The following TRMT9B variants were observed in gnomAD, a reference collection of about 807,000 sequenced individuals.
TRMT9B encodes probable tRNA methyltransferase 9B.
TRMT9B carries 16 observed loss-of-function variants against 11.5 expected under a neutral mutation model. That is an observed-to-expected ratio of 1.39 (90% confidence interval 0.94 to 2.11). The LOEUF is 2.11. TRMT9B is among the 30% of genes most tolerant of loss of function. TRMT9B has a pLI of 0.00. For synonymous variants in TRMT9B, 274 were observed against 192.4 expected, an observed-to-expected ratio of 1.42 and a Z score of -3.51; for missense variants, 941 against 553.8, an observed-to-expected ratio of 1.70 and a Z score of -7.02.
At chr8:12,968,230 C>A (rs1803091774) in intron 1 of TRMT9B, among the ~76,000 whole-genome samples, 1 of 152,214 alleles carries the variant, frequency 6.6e-6, no homozygotes, top group Non-Finnish European at 1.5e-5. Context: ...GGAAGACATA[C>A]ATCCCAAGGG....
At chr8:12,999,281 A>G (rs1433245024) in intron 2 of TRMT9B, among the ~76,000 whole-genome samples, 2 of 146,938 alleles carry the variant, frequency 1.4e-5, no homozygotes, top group East Asian at 2.0e-4. Flanking sequence ...CCTGGGTGAC[A>G]GAGGGAGACT....
At chr8:13,018,694 A>G (rs1246654797) in intron 4 of TRMT9B, among the ~76,000 whole-genome samples, 2 of 152,154 alleles carry the variant, frequency 1.3e-5, no homozygotes, top group Non-Finnish European at 2.9e-5. Flanking sequence ...GCTGAACAAC[A>G]TATTGTCTTG....
At chr8:12,986,832 C>A (rs1217349936) in intron 1 of TRMT9B, among the ~76,000 whole-genome samples, 1 of 152,178 alleles carries the variant, frequency 6.6e-6, no homozygotes, top group African/African-American at 2.4e-5. Context: ...CATTTCAATC[C>A]TTTCTAAGCA....
rs34057798 is a variant in TRMT9B at position 13,021,162 on chromosome 8, C to G, written c.483C>G (p.Asn161Lys). Residue 161 changes from asparagine (N) to lysine (K), a missense_variant, in exon 5 of 5, where the codon AAC becomes AAG. Transcript: ENST00000524591. ...FEKQDVLVPW[N>K]RALCSQLFSE... ...AGCAAGACGTGCTTGTTCCATGGAACAGGGCTCTGTGTTCCCAGCTCTTCT... is the reference window on the plus strand; with the variant it reads ...AGCAAGACGTGCTTGTTCCATGGAAGAGGGCTCTGTGTTCCCAGCTCTTCT... 6.2e-7 allele frequency: 1 copy of G among 1,613,756 alleles called. No individual in the cohort carries two copies. Among genetic ancestry groups the G allele is most frequent in the Non-Finnish European group, 8.5e-7 (1 of 1,179,838 alleles).
At chr8:12,989,908 C>G (rs1469621471) in intron 1 of TRMT9B, among the ~76,000 whole-genome samples, 1 of 152,144 alleles carries the variant, frequency 6.6e-6, no homozygotes, top group African/African-American at 2.4e-5. Context: ...TGAGATGTAG[C>G]TGGGGTTAAA....
intron 1 of TRMT9B, among the ~76,000 whole-genome samples, chr8:12,986,998 G>A (rs188771838): frequency 6.6e-6 from 1 of 152,236 alleles, no homozygotes; most frequent in Non-Finnish European, 1.5e-5. Flanking sequence ...TAATTCAGTG[G>A]TTCCCCATGA....
chr8:12,981,129 C>A (rs1438389050), intron 1 of TRMT9B, among the ~76,000 whole-genome samples: 1 of 152,078 alleles, frequency 6.6e-6, no homozygotes, highest in Non-Finnish European at 1.5e-5. Context: ...AGAAGCAACA[C>A]ATTGATTTAG....
At chr8:13,006,982 T>G (rs1195221145) in intron 3 of TRMT9B, 1 of 153,816 alleles carries the variant, frequency 6.5e-6, no homozygotes, top group Non-Finnish European at 1.4e-5. Context: ...AACTTTACCT[T>G]TAGACAGTGG....
intron 2 of TRMT9B, among the ~76,000 whole-genome samples, chr8:13,004,110 TA>T (rs1809974382): frequency 6.6e-6 from 1 of 151,930 alleles, no homozygotes; most frequent in South Asian, 2.1e-4. Flanking sequence ...AGGGAGCATT[TA>T]AACCAGCCCT....
chr8:13,007,780 A>T (rs1396390520), intron 3 of TRMT9B: 2 of 152,222 alleles, frequency 1.3e-5, no homozygotes, highest in Non-Finnish European at 2.9e-5. Flanking sequence ...ATAACGACAT[A>T]TATAATCAGA....
rs1397885877 is a variant in TRMT9B at position 13,016,180 on chromosome 8, AATATAAATGTGAAATATATATTT to A, written c.328+3329_328+3351del. Among the ~76,000 whole-genome samples, 43 of 146,470 alleles carry A rather than the reference AATATAAATGTGAAATATATATTT, an allele frequency of 2.9e-4. 1 individual carries two copies. The highest frequency in any genetic ancestry group is 3.7e-4 in the Non-Finnish European group (25 of 66,926). On this transcript the variant is annotated intron_variant, in intron 4 of 4. Coordinates refer to ENST00000524591, the MANE Select transcript of TRMT9B (RefSeq NM_020844.3). The stretch of plus-strand genomic sequence containing the variant: ...AAAATCATATATATAAACATATATA[AATATAAATGTGAAATATATATTT>A]ATATATATAAAATATAAATGTGAAA...
At chr8:12,998,816 G>T (rs762478140) in intron 2 of TRMT9B, among the ~76,000 whole-genome samples, 3 of 152,192 alleles carry the variant, frequency 2.0e-5, no homozygotes, top group Non-Finnish European at 4.4e-5. Context: ...ATTTGCCTCT[G>T]GGTGTGAATA....
At chr8:12,971,643 A>G (rs1197313186) in intron 1 of TRMT9B, among the ~76,000 whole-genome samples, 1 of 152,210 alleles carries the variant, frequency 6.6e-6, no homozygotes, top group Non-Finnish European at 1.5e-5. Context: ...GAGAAACAGT[A>G]CTGACAAAAA....
chr8:13,023,941 A>G lies in TRMT9B; in HGVS notation c.*1897A>G, dbSNP rs545501459. On this transcript the variant is annotated 3_prime_UTR_variant, in exon 5 of 5. Transcript: ENST00000524591. ...TGAGGTTGTCTGGTGAAAATGATGC[A>G]TATGAGTTGTACTGTTCAGTGTACA... 6 of 167,088 alleles carry G rather than the reference A, an allele frequency of 3.6e-5. No individual in the cohort carries two copies. The highest frequency in any genetic ancestry group is 3.4e-3 in the Middle Eastern group (1 of 296). 10.4% of individuals were successfully genotyped at this position (167,088 alleles called of 1,614,324 possible).
chr8:12,993,216 C>T (rs548832190), intron 2 of TRMT9B, among the ~76,000 whole-genome samples: 6 of 152,158 alleles, frequency 3.9e-5, no homozygotes, highest in Middle Eastern at 3.4e-3. Flanking sequence ...GGTGCTATCC[C>T]GTAGGCAGCA....
At chr8:12,950,923 A>G (rs1233060127) in intron 1 of TRMT9B, among the ~76,000 whole-genome samples, 1 of 152,136 alleles carries the variant, frequency 6.6e-6, no homozygotes, top group African/African-American at 2.4e-5. Context: ...ACCTCTATAC[A>G]AAGGGCGGCA....
intron 1 of TRMT9B, chr8:12,952,366 C>G (rs891301152): frequency 2.2e-5 from 7 of 313,204 alleles, no homozygotes; most frequent in Non-Finnish European, 4.6e-5. Flanking sequence ...TGGGTGAGTT[C>G]CTGCTCGTCC....
intron 3 of TRMT9B, among the ~76,000 whole-genome samples, chr8:13,008,969 C>T (rs774662471): frequency 6.6e-6 from 1 of 151,936 alleles, no homozygotes; most frequent in Non-Finnish European, 1.5e-5. Context: ...ACTTTGTGAT[C>T]CACCGACCTT....
Position 13,009,069 on chromosome 8 carries a change from TA to T in TRMT9B, c.154+2720del, listed in dbSNP as rs1417365804. Among the ~76,000 whole-genome samples, 6 of 109,662 alleles carry T rather than the reference TA, an allele frequency of 5.5e-5. No individual in the cohort carries two copies. The East Asian group carries it at 2.0e-3, about 36-fold the overall frequency. The allele number at this position is 109,662 out of a possible 152,430, so 71.9% of individuals were successfully genotyped here. ...TACTAAGCATTCTTCAACATCACTG[TA>T]AAAAAAGGACCAGCATCCTGTCATT... On this transcript the variant is annotated intron_variant, in intron 3 of 4. Transcript: ENST00000524591.
Sources: gnomAD v4.1 joint callset for allele counts (sites outside exome capture counted in the v4.1 genomes callset) on GRCh38, gnomAD v4.1.1 for gene constraint, MANE v1.5 for transcripts, NCBI Gene and HGNC (gene_info 2026-07-23, HGNC 2026-07-21) for gene names.